The following TMEM114 variants were observed in gnomAD, a reference collection of about 807,000 sequenced individuals.
TMEM114 encodes the protein claudin-26.
Under a neutral mutation model 6.2 loss-of-function variants are expected in TMEM114, and 6 were observed. The observed-to-expected ratio is 0.97, with a 90% CI of 0.53 to 1.91. TMEM114 has a LOEUF of 1.91. Among genes scored for constraint, TMEM114 ranks in the 40% most tolerant of loss-of-function variants. The probability of loss-of-function intolerance (pLI) is 0.01; values close to 1 mark genes in which losing one functional copy is unlikely to be tolerated. For missense variants in TMEM114, 218 were observed against 158.3 expected (o/e 1.38, Z -2.02); for synonymous variants, 104 against 73.0 (o/e 1.42, Z -2.16).
Position 8,589,990 on chromosome 16 carries a change from C to G in TMEM114, c.-152G>C. 2.6e-6 allele frequency: 1 copy of G among 383,792 alleles called. No homozygotes were observed. Among genetic ancestry groups the G allele is most frequent in the Non-Finnish European group, 4.6e-6 (1 of 217,030 alleles). The allele number at this position is 383,792 out of a possible 1,614,324, so 23.8% of individuals were successfully genotyped here. A position where few individuals can be genotyped will look rare whatever the true frequency, so the allele number is the denominator to read the frequency against. On this transcript the variant is annotated 5_prime_UTR_variant, in exon 1 of 4. Coordinates refer to ENST00000620492, the MANE Select transcript of TMEM114 (RefSeq NM_001146336.2). ...ATCTGAAAGCCTTTCCTTTGGACCC[C>G]GGGCCCTAGCTTAGACCCTGGCTCC...
intron 2 of TMEM114, among the ~76,000 whole-genome samples, chr16:8,556,100 C>A (rs961213294): frequency 6.6e-6 from 1 of 152,196 alleles, no homozygotes; most frequent in African/African-American, 2.4e-5. Flanking sequence ...TCTGAGAACC[C>A]GGTCTCTTCT....
downstream of TMEM114, among the ~76,000 whole-genome samples, chr16:8,564,921 G>C (rs1901482750): frequency 6.7e-6 from 1 of 149,858 alleles, no homozygotes; most frequent in Admixed American, 6.6e-5. Context: ...GAGTGACTGA[G>C]TGAGGGAATG....
intron 2 of TMEM114, among the ~76,000 whole-genome samples, chr16:8,573,800 C>T (rs1901819116): frequency 6.6e-6 from 1 of 152,188 alleles, no homozygotes; most frequent in African/African-American, 2.4e-5. Context: ...CCCCTCAGCA[C>T]CCCATAGGGA....
At chr16:8,534,650 G>C (rs1244779529), downstream of TMEM114, among the ~76,000 whole-genome samples, 2 of 152,190 alleles carry the variant, frequency 1.3e-5, no homozygotes, top group Non-Finnish European at 2.9e-5. Context: ...GGTGCTGGTG[G>C]ATAGGTGAGC....
At chr16:8,580,379 C>T (rs765762770) in intron 2 of TMEM114, among the ~76,000 whole-genome samples, 4 of 151,504 alleles carry the variant, frequency 2.6e-5, no homozygotes, top group Admixed American at 6.6e-5. Context: ...CCCAGCTACT[C>T]GGGAGGCTGA....
rs113312584 is a variant in TMEM114, at chr16:8,552,706, G to GA, written n.213-14881dup. Among the ~76,000 whole-genome samples, 356 of 137,842 alleles carry GA rather than the reference G, an allele frequency of 2.6e-3. 1 individual carries two copies. The highest frequency in any genetic ancestry group is 4.7e-3 in the South Asian group (20 of 4,238). 90.4% of individuals were successfully genotyped at this position (137,842 alleles called of 152,430 possible). On this transcript the variant is annotated intron_variant and non_coding_transcript_variant, in intron 2 of 2. Coordinates refer to the TMEM114 transcript ENST00000623677. ...CCTATAATTATTTCAAAATAAATAG[G>GA]AAAAAAAAAAAAAAGACAATGGCTG...
intron 2 of TMEM114, among the ~76,000 whole-genome samples, chr16:8,579,243 G>C (rs537939761): frequency 6.6e-6 from 1 of 152,192 alleles, no homozygotes; most frequent in African/African-American, 2.4e-5. Context: ...GCCCCGAGCG[G>C]TCAATGCTCT....
Position 8,564,411 on chromosome 16 carries a change from G to A in TMEM114, n.212+24802C>T, listed in dbSNP as rs1264904590. Among the ~76,000 whole-genome samples, 4 of 151,290 alleles carry A rather than the reference G, an allele frequency of 2.6e-5. 1 individual carries two copies. The highest frequency in any genetic ancestry group is 9.8e-5 in the African/African-American group (4 of 40,626). On this transcript the variant is annotated intron_variant and non_coding_transcript_variant, in intron 2 of 2. Coordinates refer to the TMEM114 transcript ENST00000623677. ...GGAATGAGTGAGTGAGTGAATGAGT[G>A]AGTGAGTAAATGAGTGAGTGAGGGA...
chr16:8,539,921 G>A (rs936085026), intron 2 of TMEM114, among the ~76,000 whole-genome samples: 4 of 151,996 alleles, frequency 2.6e-5, no homozygotes, highest in Non-Finnish European at 4.4e-5. Flanking sequence ...AGATTCAAGC[G>A]ATTCTCCTGC....
intron 2 of TMEM114, among the ~76,000 whole-genome samples, chr16:8,575,358 C>T (rs745943139): frequency 8.5e-5 from 13 of 152,178 alleles, no homozygotes; most frequent in Admixed American, 3.3e-4. Context: ...ATAAATAAGT[C>T]GCAGACAGTT....
At chr16:8,555,691 C>G (rs935603192) in intron 2 of TMEM114, among the ~76,000 whole-genome samples, 1 of 152,158 alleles carries the variant, frequency 6.6e-6, no homozygotes, top group African/African-American at 2.4e-5. Context: ...AGGTAATTCT[C>G]AACCAGGACA....
chr16:8,573,334 C>T (rs562045381), intron 2 of TMEM114, among the ~76,000 whole-genome samples: 1 of 152,304 alleles, frequency 6.6e-6, no homozygotes, highest in African/African-American at 2.4e-5. Context: ...TTTCTCTTGC[C>T]TCCTCTCTAG....
At chr16:8,532,760 T>A (rs1467274800), downstream of TMEM114, among the ~76,000 whole-genome samples, 2 of 151,984 alleles carry the variant, frequency 1.3e-5, no homozygotes, top group African/African-American at 4.8e-5. Flanking sequence ...CCGTCTCTAC[T>A]AAAAATACCA....
intron 2 of TMEM114, chr16:8,537,965 G>C (rs1289758888): frequency 6.6e-6 from 1 of 152,032 alleles, no homozygotes; most frequent in South Asian, 2.1e-4. Context: ...AAAAAGGAAA[G>C]GTGTCATGGC....
chr16:8,564,321 G>C (rs912086504), intron 2 of TMEM114, among the ~76,000 whole-genome samples: 1 of 149,286 alleles, frequency 6.7e-6, no homozygotes, highest in Non-Finnish European at 1.5e-5. Flanking sequence ...AAGTGAATGA[G>C]TGAGTTAGAG....
downstream of TMEM114, among the ~76,000 whole-genome samples, chr16:8,568,860 G>T (rs1473446675): frequency 6.6e-6 from 1 of 152,222 alleles, no homozygotes; most frequent in Non-Finnish European, 1.5e-5. Flanking sequence ...AGGATTTTTG[G>T]AAGATACCCA....
intron 2 of TMEM114, among the ~76,000 whole-genome samples, chr16:8,553,615 A>G (rs1320552854): frequency 6.6e-6 from 1 of 152,114 alleles, no homozygotes; most frequent in African/African-American, 2.4e-5. Context: ...CCTCCCAAGT[A>G]GCTGGGACTG....
At chr16:8,555,914 G>C (rs1361755250) in intron 2 of TMEM114, among the ~76,000 whole-genome samples, 1 of 152,176 alleles carries the variant, frequency 6.6e-6, no homozygotes, top group Non-Finnish European at 1.5e-5. Flanking sequence ...CTCACCCTAA[G>C]AAGTATCTCC....
chr16:8,538,207 A>G (rs544476401), intron 2 of TMEM114, among the ~76,000 whole-genome samples: 2 of 150,690 alleles, frequency 1.3e-5, no homozygotes, highest in East Asian at 3.9e-4. Context: ...CAGGAGGCTG[A>G]AGTAGGAGGA....
Sources: allele counts gnomAD v4.1 joint callset (sites outside exome capture counted in the v4.1 genomes callset), GRCh38; gene constraint gnomAD v4.1.1; transcripts MANE v1.5; gene names NCBI Gene and HGNC (gene_info 2026-07-23, HGNC 2026-07-21).